SEM1: variants seen among roughly 807,000 people sequenced by gnomAD.
SEM1 encodes the protein 26S proteasome complex subunit SEM1.
Under a neutral mutation model 12.7 loss-of-function variants are expected in SEM1, and 3 were observed. The observed-to-expected ratio is 0.24, with a 90% CI of 0.11 to 0.61. The LOEUF is 0.61. SEM1 is among the 20% of genes least tolerant of loss of function. The probability of loss-of-function intolerance (pLI) is 0.88; values close to 1 mark genes in which losing one functional copy is unlikely to be tolerated. For synonymous variants in SEM1, 30 were observed against 27.8 expected (o/e 1.08, Z -0.25); for missense variants, 59 against 81.3 (o/e 0.73, Z 1.06).
intron 2 of SEM1, among the ~76,000 whole-genome samples, chr7:96,527,324 C>T (rs763634570): frequency 1.5e-4 from 23 of 152,054 alleles, no homozygotes; most frequent in East Asian, 7.8e-4. Flanking sequence ...AAATATTCTG[C>T]GGCAAAGGCC....
At chr7:96,495,549 C>A (rs895057109) in intron 1 of SEM1, among the ~76,000 whole-genome samples, 12 of 152,098 alleles carry the variant, frequency 7.9e-5, no homozygotes, top group African/African-American at 2.9e-4. Flanking sequence ...ATTAACAATA[C>A]TCTATCACTG....
At chr7:96,593,960 T>C (rs1806916201) in intron 2 of SEM1, among the ~76,000 whole-genome samples, 1 of 150,370 alleles carries the variant, frequency 6.7e-6, no homozygotes, top group Non-Finnish European at 1.5e-5. Context: ...TCATATTGTT[T>C]TGTATCTATT....
At chr7:96,676,089 C>G (rs1296339640) in intron 2 of SEM1, among the ~76,000 whole-genome samples, 1 of 152,170 alleles carries the variant, frequency 6.6e-6, no homozygotes, top group Non-Finnish European at 1.5e-5. Context: ...CTAGCCTGAG[C>G]TCCATTTGCC....
In SEM1 at chr7:96,520,287, A is replaced by G. The variant is rs149228142; in HGVS notation, c.171-13589T>C. 5.3e-5 allele frequency among the ~76,000 whole-genome samples: 8 copies of G among 152,228 alleles called. No individual in the cohort carries two copies. The South Asian group carries it at 1.0e-3, about 20-fold the overall frequency. ...GCTTGCTCTGCCACATATTTCTGTGATTTCTGGCTACAAAATCAGCTGGGG... is the reference window on the plus strand; with the variant it reads ...GCTTGCTCTGCCACATATTTCTGTGGTTTCTGGCTACAAAATCAGCTGGGG... On this transcript the variant is annotated intron_variant and NMD_transcript_variant, in intron 2 of 3. Transcript: ENST00000466986.
intron 2 of SEM1, among the ~76,000 whole-genome samples, chr7:96,594,779 T>A (rs933954477): frequency 6.6e-6 from 1 of 152,100 alleles, no homozygotes; most frequent in Non-Finnish European, 1.5e-5. Context: ...ATTAATGTAT[T>A]ACAAAACTAA....
intron 1 of SEM1, among the ~76,000 whole-genome samples, chr7:96,495,234 A>T (rs1460692694): frequency 6.6e-6 from 1 of 152,206 alleles, no homozygotes; most frequent in African/African-American, 2.4e-5. Flanking sequence ...GCTCATTTCC[A>T]TCTCCTATTT....
downstream of SEM1, among the ~76,000 whole-genome samples, chr7:96,619,481 G>A (rs1005682378): frequency 2.0e-5 from 3 of 152,096 alleles, no homozygotes; most frequent in East Asian, 5.8e-4. Flanking sequence ...TCCAGTGGTG[G>A]CAGCAGCGGG....
At chr7:96,591,088 T>C (rs1284004087) in intron 2 of SEM1, among the ~76,000 whole-genome samples, 1 of 152,254 alleles carries the variant, frequency 6.6e-6, no homozygotes, top group Non-Finnish European at 1.5e-5. Flanking sequence ...TTAATTGTAA[T>C]GGCTTGTCAG....
intron 2 of SEM1, among the ~76,000 whole-genome samples, chr7:96,641,812 T>C (rs1258288972): frequency 1.3e-5 from 2 of 151,778 alleles, no homozygotes; most frequent in Non-Finnish European, 2.9e-5. Context: ...ACTTCCCTAT[T>C]CTTGTGCTTT....
At chr7:96,706,594 A>AAAAAAAAG (rs1563122448) in intron 1 of SEM1, among the ~76,000 whole-genome samples, 20 of 123,456 alleles carry the variant, frequency 1.6e-4, no homozygotes, top group African/African-American at 3.3e-4. Flanking sequence ...AAAAAAAAAA[A>AAAAAAAAG]AGAGAGAGAG....
intron 2 of SEM1, among the ~76,000 whole-genome samples, chr7:96,586,343 A>G (rs970875328): frequency 1.3e-5 from 2 of 152,176 alleles, no homozygotes; most frequent in South Asian, 2.1e-4. Flanking sequence ...GAGGCTGTAC[A>G]TGTCCCAGCA....
intron 2 of SEM1, among the ~76,000 whole-genome samples, chr7:96,654,241 C>A (rs1809099590): frequency 6.6e-6 from 1 of 152,156 alleles, no homozygotes; most frequent in African/African-American, 2.4e-5. Context: ...CTTAATTCTA[C>A]AACATGAGAG....
At chr7:96,525,687 G>C (rs879136966) in intron 2 of SEM1, among the ~76,000 whole-genome samples, 2 of 152,100 alleles carry the variant, frequency 1.3e-5, no homozygotes, top group African/African-American at 4.8e-5. Flanking sequence ...CCCCAGGCTG[G>C]AATTGGGCTG....
intron 2 of SEM1, among the ~76,000 whole-genome samples, chr7:96,675,414 C>T (rs1311883038): frequency 3.9e-5 from 6 of 152,112 alleles, no homozygotes; most frequent in African/African-American, 1.2e-4. Flanking sequence ...ACTTAAATGC[C>T]GTTAGTTCTA....
chr7:96,652,953 G>C (rs906101030), intron 2 of SEM1, among the ~76,000 whole-genome samples: 3 of 152,170 alleles, frequency 2.0e-5, no homozygotes, highest in Non-Finnish European at 4.4e-5. Context: ...TGGTTTTGGA[G>C]ATTCCTCAAT....
intron 2 of SEM1, among the ~76,000 whole-genome samples, chr7:96,581,645 C>G (rs952915029): frequency 1.3e-5 from 2 of 151,954 alleles, no homozygotes; most frequent in Admixed American, 1.3e-4. Context: ...CTTTTATTTC[C>G]TTGAGCAGTG....
chr7:96,593,949 CT>C (rs1465330380), intron 2 of SEM1, among the ~76,000 whole-genome samples: 2 of 151,164 alleles, frequency 1.3e-5, no homozygotes, highest in African/African-American at 2.4e-5. Flanking sequence ...ATTTTTACCC[CT>C]CATATTGTTT....
At chr7:96,672,921 AT>A (rs1158940044), downstream of SEM1, 3 of 152,122 alleles carry the variant, frequency 2.0e-5, no homozygotes, top group Non-Finnish European at 4.4e-5. Context: ...CCTTAAGTAA[AT>A]CACTTAGTCT....
At chr7:96,541,145 C>T (rs1244983335) in intron 2 of SEM1, among the ~76,000 whole-genome samples, 1 of 151,756 alleles carries the variant, frequency 6.6e-6, no homozygotes, top group African/African-American at 2.4e-5. Context: ...GCTTTACGTA[C>T]TTTGAGAAAG....
Sources: allele counts gnomAD v4.1 joint callset (sites outside exome capture counted in the v4.1 genomes callset), GRCh38; gene constraint gnomAD v4.1.1; transcripts MANE v1.5; gene names NCBI Gene and HGNC (gene_info 2026-07-23, HGNC 2026-07-21).